The following RBM19 variants were observed in gnomAD, a reference collection of about 807,000 sequenced individuals.
RBM19 encodes the protein RNA binding motif protein 19.
In RBM19, 94 loss-of-function variants were observed where a neutral mutation model predicts 116.8. The ratio of observed to expected loss-of-function variants is 0.80; its 90% confidence interval spans 0.68 to 0.95. RBM19 has a LOEUF of 0.95. Among genes scored for constraint, RBM19 ranks in the 40% least tolerant of loss-of-function variants. The pLI is 0.00. For synonymous variants in RBM19, 475 were observed against 494.1 expected, an observed-to-expected ratio of 0.96 and a Z score of 0.51; for missense variants, 1,161 against 1,220.7, an observed-to-expected ratio of 0.95 and a Z score of 0.73.
chr12:113,937,300 T>A, intron 15 of RBM19, 164 bp from the exon 16 acceptor site: 1 of 746,418 alleles, frequency 1.3e-6, no homozygotes, highest in East Asian at 2.9e-5. Context: ...TGCTGTCTAC[T>A]CCCTGAGGAC....
At chr12:113,871,794 CTG>C (rs1879221878) in intron 21 of RBM19, among the ~76,000 whole-genome samples, 3 of 152,032 alleles carry the variant, frequency 2.0e-5, no homozygotes, top group African/African-American at 4.8e-5. Flanking sequence ...AGAAAAGGCA[CTG>C]TGTCTCAGTC....
chr12:113,894,705 T>C (rs984358646), intron 21 of RBM19, among the ~76,000 whole-genome samples: 1 of 152,244 alleles, frequency 6.6e-6, no homozygotes, highest in African/African-American at 2.4e-5. Context: ...GAGCTGCATT[T>C]TCCTGAAAAG....
chr12:113,823,159 G>T lies in RBM19; in HGVS notation c.*65C>A. The T allele has an allele frequency of 3.5e-6, 5 of 1,435,726 alleles. No homozygotes were observed. The highest frequency in any genetic ancestry group is 3.9e-6 in the Non-Finnish European group (4 of 1,038,564). 88.9% of individuals were successfully genotyped at this position (1,435,726 alleles called of 1,614,324 possible). On this transcript the variant is annotated 3_prime_UTR_variant, in exon 24 of 24. Transcript: ENST00000261741. ...CCCCCCAGCCCACATGGTGGTGAGTGCAGAAGCTGGAGCGGCTGTCCCGGT... is the reference window on the plus strand; with the variant it reads ...CCCCCCAGCCCACATGGTGGTGAGTTCAGAAGCTGGAGCGGCTGTCCCGGT...
At chr12:113,857,108 A>G (rs753100259) in intron 22 of RBM19, among the ~76,000 whole-genome samples, 4 of 152,196 alleles carry the variant, frequency 2.6e-5, no homozygotes, top group Non-Finnish European at 4.4e-5. Flanking sequence ...ACTCTGATAT[A>G]AGACAGATGA....
intron 17 of RBM19, 148 bp from the exon 18 acceptor site, chr12:113,924,905 A>G (rs1868926843): frequency 1.5e-6 from 1 of 680,374 alleles, no homozygotes; most frequent in East Asian, 2.7e-5. Context: ...ACCTCCTTTA[A>G]GTAACCTGGG....
intron 21 of RBM19, among the ~76,000 whole-genome samples, chr12:113,881,188 G>A (rs1880095356): frequency 1.3e-5 from 2 of 152,152 alleles, no homozygotes; most frequent in Admixed American, 6.5e-5. Flanking sequence ...TTTCTCGAGC[G>A]AGTTTCTCGG....
rs1207734750 is a variant in RBM19 at position 113,903,820 on chromosome 12, TC to T, written c.2558+11148del. ...TCTATCTTGATATAATCTGGGTAGT[TC>T]CTGTCTCTCCCTCCTAAAATAAGAG... On this transcript the variant is annotated intron_variant, in intron 21 of 23. Transcript: ENST00000261741. The surrounding 1 kb of genome is among the most constrained non-coding windows in gnomAD (Gnocchi z 5.1). 4.6e-5 allele frequency among the ~76,000 whole-genome samples: 7 copies of T among 152,170 alleles called. No homozygotes were observed. The highest frequency in any genetic ancestry group is 1.7e-4 in the African/African-American group (7 of 41,438).
At position 113,844,940 on chromosome 12, in the gene RBM19, G is replaced by A. The variant is rs988698422; in HGVS notation, c.2665-152C>T. On this transcript the variant is annotated intron_variant, in intron 22 of 23. Transcript: ENST00000261741. The stretch of plus-strand genomic sequence containing the variant: ...ATCTCCAGCGAGGGTTTGGGGAGCG[G>A]TTGGGCACATCTATTTAATTAGTGG... 7 of 1,108,104 alleles carry A rather than the reference G, an allele frequency of 6.3e-6. No individual in the cohort carries two copies. In the African/African-American group the frequency reaches 1.1e-4, roughly 18 times the overall value. 68.6% of individuals were successfully genotyped at this position (1,108,104 alleles called of 1,614,324 possible).
chr12:113,908,571 A>G (rs557216615), intron 21 of RBM19, among the ~76,000 whole-genome samples: 2 of 125,390 alleles, frequency 1.6e-5, no homozygotes, highest in African/African-American at 6.2e-5. Context: ...GGAAGAAAAT[A>G]GCAAAAAAAA....
chr12:113,846,342 A>C (rs556177910), intron 22 of RBM19, among the ~76,000 whole-genome samples: 15 of 152,318 alleles, frequency 9.8e-5, no homozygotes, highest in South Asian at 4.1e-4. Context: ...TCTACACTGT[A>C]GCTCCTATGG....
intron 16 of RBM19, chr12:113,927,516 C>G: frequency 3.1e-6 from 1 of 318,858 alleles, no homozygotes; most frequent in Non-Finnish European, 5.7e-6. Flanking sequence ...CTAATTTGAA[C>G]TTGGAAATAA....
chr12:113,959,479 G>A, intron 4 of RBM19, 75 bp from the exon 5 acceptor site: 1 of 1,464,774 alleles, frequency 6.8e-7, no homozygotes, highest in Non-Finnish European at 9.3e-7. Context: ...CTCAGGTGGG[G>A]CTTGATCTTT....
intron 21 of RBM19, among the ~76,000 whole-genome samples, chr12:113,877,399 G>T (rs917398433): frequency 5.9e-5 from 9 of 152,198 alleles, no homozygotes; most frequent in African/African-American, 2.2e-4. Flanking sequence ...GTTAGGGGGA[G>T]CCCTGTGGCC....
At chr12:113,891,195 G>T (rs570926898) in intron 21 of RBM19, among the ~76,000 whole-genome samples, 25 of 152,310 alleles carry the variant, frequency 1.6e-4, no homozygotes, top group African/African-American at 5.1e-4. Context: ...CAAGAGAAAA[G>T]AACCTTCTTC....
At chr12:113,954,073 G>A (rs1871697718) in intron 7 of RBM19, among the ~76,000 whole-genome samples, 1 of 152,228 alleles carries the variant, frequency 6.6e-6, no homozygotes, top group Non-Finnish European at 1.5e-5. Context: ...GAGTAAGGAA[G>A]AGCATGAGCA....
chr12:113,948,449 G>T (rs1871222491), intron 10 of RBM19, among the ~76,000 whole-genome samples: 2 of 152,198 alleles, frequency 1.3e-5, no homozygotes, highest in Non-Finnish European at 1.5e-5. Context: ...GGAACGCCGT[G>T]TAGGTATATT....
intron 21 of RBM19, among the ~76,000 whole-genome samples, chr12:113,887,274 T>G (rs1880592936): frequency 6.6e-6 from 1 of 152,040 alleles, no homozygotes; most frequent in Non-Finnish European, 1.5e-5. Context: ...TTTGACAATC[T>G]CTGATCTAGA....
intron 21 of RBM19, among the ~76,000 whole-genome samples, chr12:113,884,991 A>C (rs1880425018): frequency 1.3e-5 from 2 of 152,242 alleles, no homozygotes; most frequent in South Asian, 4.1e-4. Context: ...GAGAATACCC[A>C]CTAATAAATG....
downstream of RBM19, among the ~76,000 whole-genome samples, chr12:113,820,139 A>T (rs1593440498): frequency 6.6e-6 from 1 of 152,050 alleles, no homozygotes; most frequent in African/African-American, 2.4e-5. Context: ...GTGAGGAAGC[A>T]GAAGTTAAAC....
Sources: allele counts gnomAD v4.1 joint callset (sites outside exome capture counted in the v4.1 genomes callset), GRCh38; gene constraint gnomAD v4.1.1; non-coding constraint Gnocchi (gnomAD v3.1); transcripts MANE v1.5; gene names NCBI Gene and HGNC (gene_info 2026-07-23, HGNC 2026-07-21).